Variants in TNNI3K observed in about 807,000 individuals in gnomAD.
TNNI3K encodes the protein TNNI3 interacting kinase.
TNNI3K carries 140 observed loss-of-function variants against 114.5 expected under a neutral mutation model. That is an observed-to-expected ratio of 1.22 (90% CI 1.07 to 1.41). TNNI3K has a LOEUF of 1.41. Ranked by LOEUF, TNNI3K falls within the 40% of genes most tolerant of loss-of-function variation. The pLI is 0.00. For synonymous variants in TNNI3K, 347 were observed against 347.5 expected (o/e 1.00, Z 0.02); for missense variants, 1,125 against 1,007.6 (o/e 1.12, Z -1.58).
At position 74,332,287 on chromosome 1, in the gene TNNI3K, G is replaced by A. The variant is rs1208486907; in HGVS notation, c.543+739G>A. 2.6e-5 allele frequency among the ~76,000 whole-genome samples: 4 copies of A among 151,284 alleles called. No homozygotes were observed. The East Asian group carries it at 7.8e-4, about 29-fold the overall frequency. On this transcript the variant is annotated intron_variant, in intron 6 of 24. Transcript: ENST00000326637. ...TAATTTTTCCACAACCCTGAAATTGGCTATTTGCCCTTTTTTTTTTTTCTT... is the reference window on the plus strand; with the variant it reads ...TAATTTTTCCACAACCCTGAAATTGACTATTTGCCCTTTTTTTTTTTTCTT...
chr1:74,473,864 A>G (rs972211746), intron 21 of TNNI3K, among the ~76,000 whole-genome samples: 1 of 152,104 alleles, frequency 6.6e-6, no homozygotes, highest in Non-Finnish European at 1.5e-5. Context: ...AACATTAAGA[A>G]CTATTAGTCT....
At chr1:74,305,647 T>C (rs1281741922) in intron 5 of TNNI3K, among the ~76,000 whole-genome samples, 1 of 152,148 alleles carries the variant, frequency 6.6e-6, no homozygotes, top group East Asian at 1.9e-4. Flanking sequence ...TGCTGTCTGC[T>C]CTTGGCCCAA....
At chr1:74,354,196 A>C (rs1661539762) in intron 11 of TNNI3K, 67 bp downstream of exon 11, 1 of 1,585,996 alleles carries the variant, frequency 6.3e-7, no homozygotes, top group Non-Finnish European at 8.6e-7. Flanking sequence ...ATGTCAGTGC[A>C]TCAATAATTA....
At chr1:74,329,226 A>T (rs1660072156) in intron 5 of TNNI3K, among the ~76,000 whole-genome samples, 1 of 152,060 alleles carries the variant, frequency 6.6e-6, no homozygotes, top group East Asian at 1.9e-4. Flanking sequence ...TTTAAAATGG[A>T]GAGGAGCACC....
chr1:74,403,737 A>G (rs1344407180), intron 17 of TNNI3K, among the ~76,000 whole-genome samples: 1 of 152,166 alleles, frequency 6.6e-6, no homozygotes, highest in Non-Finnish European at 1.5e-5. Flanking sequence ...CTTTGGCATC[A>G]TGTATGCAAA....
chr1:74,539,609 T>C (rs1183157765), intron 23 of TNNI3K, among the ~76,000 whole-genome samples: 2 of 152,112 alleles, frequency 1.3e-5, no homozygotes, highest in African/African-American at 2.4e-5. Flanking sequence ...TATTTGATAG[T>C]AGATAAACAC....
intron 23 of TNNI3K, among the ~76,000 whole-genome samples, chr1:74,528,139 A>G (rs1159171174): frequency 6.6e-6 from 1 of 152,212 alleles, no homozygotes; most frequent in Non-Finnish European, 1.5e-5. Flanking sequence ...GGTAAGCAGG[A>G]CATCCTACAG....
At chr1:74,514,997 G>A (rs1334208670) in intron 23 of TNNI3K, among the ~76,000 whole-genome samples, 1 of 152,054 alleles carries the variant, frequency 6.6e-6, no homozygotes, top group African/African-American at 2.4e-5. Context: ...TGGAGGCAGG[G>A]ACTGAAGTGC....
At chr1:74,441,897 T>C (rs1666389203) in intron 20 of TNNI3K, among the ~76,000 whole-genome samples, 1 of 152,140 alleles carries the variant, frequency 6.6e-6, no homozygotes, top group Non-Finnish European at 1.5e-5. Flanking sequence ...AGGATTTTCC[T>C]GTAATCTGTG....
chr1:74,273,145 A>ATAAAGG (rs1397649526), intron 5 of TNNI3K, among the ~76,000 whole-genome samples: 1 of 151,972 alleles, frequency 6.6e-6, no homozygotes, highest in African/African-American at 2.4e-5. Flanking sequence ...CTCCCTTAAC[A>ATAAAGG]GTGTCACTTC....
At chr1:74,249,367 G>T in intron 2 of TNNI3K, 92 bp from the exon 3 acceptor site, 1 of 1,265,942 alleles carries the variant, frequency 7.9e-7, no homozygotes, top group Non-Finnish European at 1.1e-6. Flanking sequence ...TTTCTGAATT[G>T]ATAGTAACAG....
chr1:74,301,141 T>C (rs1291198261), intron 5 of TNNI3K, among the ~76,000 whole-genome samples: 1 of 152,222 alleles, frequency 6.6e-6, no homozygotes, highest in Admixed American at 6.5e-5. Context: ...GGTTCATGCC[T>C]GTAATCCCAG....
intron 5 of TNNI3K, among the ~76,000 whole-genome samples, chr1:74,324,009 A>C (rs549796797): frequency 2.0e-5 from 3 of 152,248 alleles, no homozygotes; most frequent in Middle Eastern, 3.2e-3. Flanking sequence ...AGAAGTAGAC[A>C]ATAGTAACAA....
At chr1:74,284,055 C>T (rs976105402) in intron 5 of TNNI3K, among the ~76,000 whole-genome samples, 1 of 152,098 alleles carries the variant, frequency 6.6e-6, no homozygotes, top group Non-Finnish European at 1.5e-5. Context: ...CTCACTATGT[C>T]TCAGGAAGAC....
chr1:74,270,758 G>A (rs1328346666), intron 4 of TNNI3K, among the ~76,000 whole-genome samples: 2 of 151,648 alleles, frequency 1.3e-5, no homozygotes, highest in African/African-American at 4.8e-5. Flanking sequence ...TATTATAGAA[G>A]TTGTGGTTTA....
chr1:74,477,502 A>G (rs138041033), intron 21 of TNNI3K, among the ~76,000 whole-genome samples: 42 of 152,300 alleles, frequency 2.8e-4, no homozygotes, highest in Non-Finnish European at 4.1e-4. Context: ...AATCATTATG[A>G]TGATATTTTA....
intron 17 of TNNI3K, among the ~76,000 whole-genome samples, chr1:74,400,125 C>T (rs1167313918): frequency 6.6e-6 from 1 of 152,132 alleles, no homozygotes; most frequent in Non-Finnish European, 1.5e-5. Flanking sequence ...ATTTATAATG[C>T]AATCCTATAT....
intron 23 of TNNI3K, among the ~76,000 whole-genome samples, chr1:74,520,461 C>A (rs1646416010): frequency 6.6e-6 from 1 of 151,954 alleles, no homozygotes; most frequent in African/African-American, 2.4e-5. Flanking sequence ...AATCGACCTT[C>A]TCATTTCTGA....
chr1:74,475,984 G>A (rs1394531042), intron 21 of TNNI3K, among the ~76,000 whole-genome samples: 2 of 152,198 alleles, frequency 1.3e-5, no homozygotes, highest in Non-Finnish European at 2.9e-5. Flanking sequence ...CATTGACATT[G>A]TTCTGCTTTC....
Sources: allele counts gnomAD v4.1 joint callset (sites outside exome capture counted in the v4.1 genomes callset), GRCh38; gene constraint gnomAD v4.1.1; transcripts MANE v1.5; gene names NCBI Gene and HGNC (gene_info 2026-07-23, HGNC 2026-07-21).